GLRA3: variants seen among roughly 807,000 people sequenced by gnomAD.
GLRA3 encodes the protein glycine receptor subunit alpha-3.
Under a neutral mutation model 60.4 loss-of-function variants are expected in GLRA3, and 44 were observed. That is an observed-to-expected ratio of 0.73 (90% confidence interval 0.57 to 0.94). The LOEUF (loss-of-function observed/expected upper bound fraction) is 0.94, where lower values mean the gene tolerates loss of function less well. Among genes scored for constraint, GLRA3 ranks in the 40% least tolerant of loss-of-function variants. The probability of loss-of-function intolerance (pLI) is 0.00; values close to 1 mark genes in which losing one functional copy is unlikely to be tolerated. For synonymous variants in GLRA3, 223 were observed against 192.9 expected, an observed-to-expected ratio of 1.16 and a Z score of -1.29; for missense variants, 508 against 564.6, an observed-to-expected ratio of 0.90 and a Z score of 1.02.
At chr4:174,763,395 G>T (rs1439770987) in intron 3 of GLRA3, among the ~76,000 whole-genome samples, 1 of 152,122 alleles carries the variant, frequency 6.6e-6, no homozygotes, top group Non-Finnish European at 1.5e-5. Flanking sequence ...CTAGGCCAAT[G>T]AACTTTCTTT....
chr4:174,793,552 A>C (rs905481029), intron 1 of GLRA3, among the ~76,000 whole-genome samples: 2 of 151,930 alleles, frequency 1.3e-5, no homozygotes, highest in Non-Finnish European at 2.9e-5. Flanking sequence ...TTCTGGGCTT[A>C]AGCGATCCTC....
At chr4:174,820,425 A>ACAC (rs1740698204) in intron 1 of GLRA3, among the ~76,000 whole-genome samples, 1 of 152,152 alleles carries the variant, frequency 6.6e-6, no homozygotes. Flanking sequence ...AGCATGCTAG[A>ACAC]CACTCTTTTA....
rs964822223 is a variant in GLRA3 at position 174,643,849 on chromosome 4, A to G, written c.1332T>C (p.Asn444=). ...ACFPLAFLIF[N]IFYWVIYKIL... The stretch of plus-strand genomic sequence containing the variant: ...TTTTATAGATAACCCAGTAGAAAAT[A>G]TTAAAAATCAAAAAAGCTAATGGGA... The change falls in exon 10 of 10, where the codon AAT becomes AAC. Residue 444 remains asparagine (N), a synonymous_variant. Coordinates refer to ENST00000274093, the MANE Select transcript of GLRA3 (RefSeq NM_006529.4). 9 of 1,613,874 alleles carry G rather than the reference A, an allele frequency of 5.6e-6. No individual in the cohort carries two copies. Among genetic ancestry groups the G allele is most frequent in the Non-Finnish European group, 7.6e-6 (9 of 1,179,846 alleles).
rs1020557966 is a variant in GLRA3, at chr4:174,640,092, A to G, written c.*3694T>C. ...ACTAGATGAAAAATATAGGTCGTAT[A>G]TGCTGATAAATTTTGGGAGTTTATG... On this transcript the variant is annotated 3_prime_UTR_variant, in exon 10 of 10. Transcript: ENST00000274093. The G allele has an allele frequency of 2.6e-4, 39 of 152,128 alleles. No homozygotes were observed. The highest frequency in any genetic ancestry group is 3.2e-3 in the Middle Eastern group (1 of 316). The allele number at this position is 152,128 out of a possible 1,614,324, so 9.4% of individuals were successfully genotyped here.
chr4:174,758,235 T>TA (rs1333205576), intron 3 of GLRA3, among the ~76,000 whole-genome samples: 3 of 152,008 alleles, frequency 2.0e-5, no homozygotes, highest in African/African-American at 7.2e-5. Context: ...CAGTGAAGGT[T>TA]AAAAAAAGGA....
intron 5 of GLRA3, among the ~76,000 whole-genome samples, chr4:174,697,453 G>C (rs1205887328): frequency 1.3e-5 from 2 of 152,144 alleles, no homozygotes; most frequent in Non-Finnish European, 2.9e-5. Context: ...ACCTGACAAG[G>C]AACAACTGCT....
chr4:174,725,701 C>CA (rs1736297732), intron 4 of GLRA3, among the ~76,000 whole-genome samples: 1 of 152,124 alleles, frequency 6.6e-6, no homozygotes, highest in African/African-American at 2.4e-5. Flanking sequence ...GGGCTGGTCT[C>CA]AAACTCCTGG....
intron 3 of GLRA3, among the ~76,000 whole-genome samples, chr4:174,733,046 T>G (rs1210852340): frequency 6.6e-6 from 1 of 152,168 alleles, no homozygotes; most frequent in African/African-American, 2.4e-5. Flanking sequence ...TGTATGTAAT[T>G]ATATACCAAA....
At position 174,643,051 on chromosome 4, in the gene GLRA3, A is replaced by C. The variant is rs1432143399; in HGVS notation, c.*735T>G. 1.0e-6 allele frequency: 1 copy of C among 956,284 alleles called. No homozygotes were observed. Among genetic ancestry groups the C allele is most frequent in the Non-Finnish European group, 1.2e-6 (1 of 804,084 alleles). 59.2% of individuals were successfully genotyped at this position (956,284 alleles called of 1,614,324 possible). On this transcript the variant is annotated 3_prime_UTR_variant, in exon 10 of 10. Transcript: ENST00000274093. ...CAATAACTAAAAATACATAGCTATAATACTTATTTAAAAACAAAGTTGTTT... is the reference window on the plus strand; with the variant it reads ...CAATAACTAAAAATACATAGCTATACTACTTATTTAAAAACAAAGTTGTTT...
chr4:174,711,314 A>G (rs957159272), intron 5 of GLRA3, among the ~76,000 whole-genome samples: 1 of 151,692 alleles, frequency 6.6e-6, no homozygotes, highest in African/African-American at 2.4e-5. Context: ...TTGTTCAAAT[A>G]TACTGTGCTT....
intron 7 of GLRA3, among the ~76,000 whole-genome samples, chr4:174,675,761 A>C (rs1259863760): frequency 1.3e-5 from 2 of 152,176 alleles, no homozygotes; most frequent in Non-Finnish European, 2.9e-5. Context: ...ATAAAAGTAG[A>C]CATTATTAGG....
At chr4:174,757,214 T>C (rs1737753837) in intron 3 of GLRA3, among the ~76,000 whole-genome samples, 1 of 152,202 alleles carries the variant, frequency 6.6e-6, no homozygotes, top group African/African-American at 2.4e-5. Context: ...GCAAAATTTA[T>C]TGTTTGCCCA....
At chr4:174,810,703 T>C (rs779637482) in intron 1 of GLRA3, among the ~76,000 whole-genome samples, 4 of 152,134 alleles carry the variant, frequency 2.6e-5, no homozygotes, top group Non-Finnish European at 5.9e-5. Context: ...TTTAATTAAA[T>C]GGCTATAATG....
At chr4:174,748,760 G>A (rs1399556624) in intron 3 of GLRA3, among the ~76,000 whole-genome samples, 1 of 152,144 alleles carries the variant, frequency 6.6e-6, no homozygotes, top group Admixed American at 6.6e-5. Flanking sequence ...TTGAGAATCA[G>A]AAGACAGGTT....
At position 174,643,881 on chromosome 4, in the gene GLRA3, C is replaced by T. The variant is rs759915545; in HGVS notation, c.1300G>A (p.Ala434Thr). The change falls in exon 10 of 10, where the codon GCC (alanine) becomes ACC (threonine). Residue 434 changes from alanine to threonine, a missense_variant. By Grantham distance (58) the Ala-to-Thr change is moderately conservative. Coordinates refer to ENST00000274093, the MANE Select transcript of GLRA3 (RefSeq NM_006529.4). ...ATCAAAAAAGCTAATGGGAAGCAGG[C>T]TCGGGAGATGGTATCAATCTTCTTG... ...RAKKIDTISR[A>T]CFPLAFLIFN... is the part of the protein sequence containing the mutation. 2 of 1,613,928 alleles carry T rather than the reference C, an allele frequency of 1.2e-6. No homozygotes were observed. The highest frequency in any genetic ancestry group is 1.1e-5 in the South Asian group (1 of 91,090).
intron 1 of GLRA3, 143 bp downstream of exon 1, chr4:174,828,598 G>T: frequency 1.6e-6 from 1 of 624,044 alleles, no homozygotes; most frequent in East Asian, 2.8e-5. Context: ...AAATAATTTA[G>T]ACAGAAAACA....
chr4:174,657,964 G>A (rs1338022369), intron 8 of GLRA3, among the ~76,000 whole-genome samples: 1 of 152,114 alleles, frequency 6.6e-6, no homozygotes, highest in Non-Finnish European at 1.5e-5. Flanking sequence ...GAAATGATAA[G>A]TAAAGTTACT....
intron 1 of GLRA3, among the ~76,000 whole-genome samples, chr4:174,805,598 A>T (rs915808501): frequency 6.6e-5 from 10 of 152,122 alleles, no homozygotes; most frequent in African/African-American, 2.4e-4. Context: ...AAAGATTCAG[A>T]GCTAGGACAC....
At chr4:174,734,545 A>G (rs1453749931) in intron 3 of GLRA3, among the ~76,000 whole-genome samples, 1 of 152,180 alleles carries the variant, frequency 6.6e-6, no homozygotes, top group Non-Finnish European at 1.5e-5. Flanking sequence ...TCTCCCTCTG[A>G]CTTCTCCATT....
Sources: allele counts gnomAD v4.1 joint callset (sites outside exome capture counted in the v4.1 genomes callset), GRCh38; gene constraint gnomAD v4.1.1; transcripts MANE v1.5; gene names NCBI Gene and HGNC (gene_info 2026-07-23, HGNC 2026-07-21).